LDLRAP1: variants seen among roughly 807,000 people sequenced by gnomAD.
LDLRAP1 encodes the protein low density lipoprotein receptor adaptor protein 1.
In LDLRAP1, 30 loss-of-function variants were observed where a neutral mutation model predicts 37.8. The ratio of observed to expected loss-of-function variants is 0.79; its 90% CI spans 0.59 to 1.08. The LOEUF (loss-of-function observed/expected upper bound fraction) is 1.08, where lower values mean the gene tolerates loss of function less well. LDLRAP1 is among the 50% of genes least tolerant of loss of function. LDLRAP1 has a pLI of 0.00. For missense variants in LDLRAP1, 375 were observed against 401.6 expected (o/e 0.93, Z 0.57); for synonymous variants, 156 against 169.8 (o/e 0.92, Z 0.63).
chr1:25,570,476 G>A (rs545184336), downstream of LDLRAP1, among the ~76,000 whole-genome samples: 14 of 152,130 alleles, frequency 9.2e-5, no homozygotes, highest in Non-Finnish European at 1.6e-4. Flanking sequence ...GGGAATAGGG[G>A]CAGATTCACA....
the LDLRAP1 span, among the ~76,000 whole-genome samples, chr1:25,579,234 G>A: frequency 6.6e-6 from 1 of 152,198 alleles, no homozygotes; most frequent in Non-Finnish European, 1.5e-5. Context: ...ACTCGATGAG[G>A]CCAGCCCTGA....
Position 25,546,159 on chromosome 1 carries a change from G to A in LDLRAP1, c.88+2373G>A, listed in dbSNP as rs187718244. ...CAGGGGCCATGGGGTATGTGGGGGT[G>A]GGGGTGCTAGGGTCACCTTGCTCAG... On this transcript the variant is annotated intron_variant, in intron 1 of 8. Coordinates refer to ENST00000374338, the MANE Select transcript of LDLRAP1 (RefSeq NM_015627.3). Among the ~76,000 whole-genome samples, 578 of 152,278 alleles carry A rather than the reference G, an allele frequency of 3.8e-3. 5 individuals carry two copies. Among genetic ancestry groups the A allele is most frequent in the African/African-American group, 0.013 (546 of 41,538 alleles).
At chr1:25,558,134 G>T (rs1352777167) in intron 4 of LDLRAP1, among the ~76,000 whole-genome samples, 4 of 152,086 alleles carry the variant, frequency 2.6e-5, no homozygotes, top group Admixed American at 2.6e-4. Flanking sequence ...TCAACCTTTG[G>T]CATTGCAGCT....
the LDLRAP1 span, among the ~76,000 whole-genome samples, chr1:25,586,429 T>A: frequency 3.3e-5 from 5 of 152,108 alleles, no homozygotes; most frequent in African/African-American, 9.7e-5. This position sits in a 1 kb window ranked among gnomAD's most constrained non-coding sequence, Gnocchi z 4.3. Context: ...CCAGCGTCCA[T>A]CAGGGCCACA....
At chr1:25,565,289 C>T (rs369078585) in intron 8 of LDLRAP1, 82 bp downstream of exon 8, 16 of 1,503,582 alleles carry the variant, frequency 1.1e-5, no homozygotes, top group Non-Finnish European at 1.4e-5. Flanking sequence ...GGACCTTTCC[C>T]CTGATTAAGA....
intron 7 of LDLRAP1, chr1:25,564,760 A>G: frequency 5.4e-6 from 1 of 186,818 alleles, no homozygotes. Flanking sequence ...AAGTAAATGA[A>G]GGCAAGAAAA....
chr1:25,571,909 A>G (rs2044609773), downstream of LDLRAP1, among the ~76,000 whole-genome samples: 1 of 152,188 alleles, frequency 6.6e-6, no homozygotes, highest in African/African-American at 2.4e-5. Flanking sequence ...TCTCAGGGTG[A>G]CTGAGGCACA....
rs2044172814 is a variant in LDLRAP1, at chr1:25,555,270, A to G, written c.344+298A>G. Among the ~76,000 whole-genome samples the G allele has an allele frequency of 1.3e-5, 2 of 152,234 alleles. No homozygotes were observed. Among genetic ancestry groups the G allele is most frequent in the South Asian group, 4.1e-4 (2 of 4,836 alleles). On this transcript the variant is annotated intron_variant, in intron 3 of 8. Coordinates refer to ENST00000374338, the MANE Select transcript of LDLRAP1 (RefSeq NM_015627.3). This position sits in a 1 kb window ranked among gnomAD's most constrained non-coding sequence, Gnocchi z 4.7. ...CCCTTCCCCCCTACTCCCCACCAGCATGCCGCTGAGTCGGGCTTGGAGCAG... is the reference window on the plus strand; with the variant it reads ...CCCTTCCCCCCTACTCCCCACCAGCGTGCCGCTGAGTCGGGCTTGGAGCAG...
At chr1:25,564,843 T>C (rs1024838799) in intron 7 of LDLRAP1, 1 of 354,198 alleles carries the variant, frequency 2.8e-6, no homozygotes, top group South Asian at 3.4e-5. Context: ...CCTCCTCTTA[T>C]TGAAGGAAAA....
chr1:25,590,276 C>T, the LDLRAP1 span: 5 of 152,226 alleles, frequency 3.3e-5, no homozygotes, highest in East Asian at 9.6e-4. Context: ...AAGCTGATGT[C>T]AGCTATTCCC....
chr1:25,567,280 G>C lies in LDLRAP1; in HGVS notation c.*288G>C. On this transcript the variant is annotated 3_prime_UTR_variant, in exon 9 of 9. Coordinates refer to ENST00000374338, the MANE Select transcript of LDLRAP1 (RefSeq NM_015627.3). Reference sequence around the variant, plus strand: ...TCTCCTGCTGCGTGACATGTGCAGTGCTGTAATCGGCTCCCGCTTGCTCTC... The same window carrying C: ...TCTCCTGCTGCGTGACATGTGCAGTCCTGTAATCGGCTCCCGCTTGCTCTC... The C allele has an allele frequency of 2.1e-6, 1 of 478,646 alleles. No homozygotes were observed. Among genetic ancestry groups the C allele is most frequent in the Non-Finnish European group, 3.9e-6 (1 of 258,802 alleles). The allele number at this position is 478,646 out of a possible 1,614,324, so 29.6% of individuals were successfully genotyped here. A position where few individuals can be genotyped will look rare whatever the true frequency, so the allele number is the denominator to read the frequency against.
the LDLRAP1 span, among the ~76,000 whole-genome samples, chr1:25,576,600 C>T: frequency 1.1e-4 from 17 of 152,298 alleles, no homozygotes; most frequent in East Asian, 2.3e-3. Flanking sequence ...GAAAGCAGAG[C>T]GCCTGGCTTT....
the LDLRAP1 span, among the ~76,000 whole-genome samples, chr1:25,582,900 C>T: frequency 4.6e-5 from 7 of 151,930 alleles, no homozygotes; most frequent in South Asian, 8.3e-4. Context: ...GGTGAAACCC[C>T]GTCTCTACTA....
the LDLRAP1 span, among the ~76,000 whole-genome samples, chr1:25,576,704 A>G: frequency 6.6e-6 from 1 of 152,234 alleles, no homozygotes. Context: ...CGGGGCCAAG[A>G]TTCAAGGCCA....
At chr1:25,573,578 TG>T (rs918226913), downstream of LDLRAP1, among the ~76,000 whole-genome samples, 40 of 152,218 alleles carry the variant, frequency 2.6e-4, no homozygotes, top group African/African-American at 9.2e-4. Context: ...GCAGACCCCC[TG>T]GCACCCCACC....
intron 1 of LDLRAP1, 114 bp from the exon 2 acceptor site, chr1:25,553,808 G>A: frequency 7.8e-7 from 1 of 1,286,732 alleles, no homozygotes; most frequent in Non-Finnish European, 1.1e-6. Flanking sequence ...GTAGTGGTGG[G>A]GGAGACCCCC....
rs2044141078 is a variant in LDLRAP1 at position 25,554,005 on chromosome 1, G to C, written c.172G>C (p.Val58Leu). ...CCTCAAGTACCTGGGCATGACGCTAGTGGAGCAGCCCAAGGGTGAGGAGCT... is the reference window on the plus strand; with the variant it reads ...CCTCAAGTACCTGGGCATGACGCTACTGGAGCAGCCCAAGGGTGAGGAGCT... ...FSLKYLGMTL[V>L]EQPKGEELSA... Residue 58 changes from valine to leucine, a missense_variant, in exon 2 of 9, where the codon GTG (valine) becomes CTG (leucine). Physicochemically the swap from Val to Leu is conservative, Grantham distance 32. Coordinates refer to ENST00000374338, the MANE Select transcript of LDLRAP1 (RefSeq NM_015627.3). This position sits in a 1 kb window ranked among gnomAD's most constrained non-coding sequence, Gnocchi z 5.4. The C allele has an allele frequency of 6.2e-7, 1 of 1,614,024 alleles. No homozygotes were observed. The highest frequency in any genetic ancestry group is 1.3e-5 in the African/African-American group (1 of 74,936).
downstream of LDLRAP1, among the ~76,000 whole-genome samples, chr1:25,569,552 C>T (rs1161401596): frequency 6.6e-6 from 1 of 152,178 alleles, no homozygotes; most frequent in Non-Finnish European, 1.5e-5. Context: ...CTTTTTACCA[C>T]CCTGGGTTTT....
At chr1:25,584,020 G>A in the LDLRAP1 span, among the ~76,000 whole-genome samples, 1 of 152,178 alleles carries the variant, frequency 6.6e-6, no homozygotes, top group Non-Finnish European at 1.5e-5. Context: ...GGGGCTGAGA[G>A]AACAGGGGCT....
Sources: gnomAD v4.1 joint callset for allele counts (sites outside exome capture counted in the v4.1 genomes callset) on GRCh38, gnomAD v4.1.1 for gene constraint, Gnocchi (gnomAD v3.1) non-coding constraint, MANE v1.5 for transcripts, NCBI Gene and HGNC (gene_info 2026-07-23, HGNC 2026-07-21) for gene names.